The following TBCEL variants were observed in gnomAD, a reference collection of about 807,000 sequenced individuals.
TBCEL encodes tubulin folding cofactor E like.
TBCEL carries 15 observed loss-of-function variants against 44.2 expected under a neutral mutation model. The observed-to-expected ratio is 0.34, with a 90% CI of 0.23 to 0.52. The LOEUF (loss-of-function observed/expected upper bound fraction) is 0.52. Ranked by LOEUF, TBCEL falls within the 20% of genes least tolerant of loss-of-function variation. The pLI is 0.95. For synonymous variants in TBCEL, 171 were observed against 185.4 expected (o/e 0.92, Z 0.63); for missense variants, 319 against 506.3 (o/e 0.63, Z 3.55).
intron 2 of TBCEL, among the ~76,000 whole-genome samples, chr11:121,039,245 C>T (rs1945288866): frequency 6.6e-6 from 1 of 152,204 alleles, no homozygotes; most frequent in Non-Finnish European, 1.5e-5. Context: ...CTGTTGTTTC[C>T]TGTACCTGGA....
At chr11:121,058,676 C>G (rs1040200545) in intron 7 of TBCEL, among the ~76,000 whole-genome samples, 2 of 151,884 alleles carry the variant, frequency 1.3e-5, no homozygotes, top group African/African-American at 4.8e-5. Flanking sequence ...TGTAATTGGG[C>G]TGCTGACACC....
intron 8 of TBCEL, among the ~76,000 whole-genome samples, chr11:121,064,901 A>G (rs1342411045): frequency 5.9e-5 from 9 of 152,112 alleles, no homozygotes; most frequent in Non-Finnish European, 1.5e-5. Context: ...ATCTCGGCTC[A>G]TTGCAAGCTC....
intron 3 of TBCEL, 129 bp downstream of exon 3, chr11:121,045,952 A>G (rs1945422936): frequency 4.5e-6 from 5 of 1,105,036 alleles, no homozygotes; most frequent in Non-Finnish European, 6.0e-6. Context: ...CCCCCTTGTT[A>G]TGATTTCAGT....
intron 1 of TBCEL, among the ~76,000 whole-genome samples, chr11:121,028,012 C>T (rs1306691887): frequency 6.6e-6 from 1 of 151,992 alleles, no homozygotes; most frequent in Admixed American, 6.6e-5. Flanking sequence ...TCAAAGCCAA[C>T]CTGGGCAACG....
At chr11:121,041,093 T>C (rs555900102) in intron 2 of TBCEL, among the ~76,000 whole-genome samples, 1 of 152,350 alleles carries the variant, frequency 6.6e-6, no homozygotes, top group East Asian at 1.9e-4. Flanking sequence ...TGTTTCTTTG[T>C]GAAATAAGTA....
intron 2 of TBCEL, among the ~76,000 whole-genome samples, chr11:121,038,364 CAT>C (rs1945271878): frequency 6.6e-6 from 1 of 152,048 alleles, no homozygotes; most frequent in African/African-American, 2.4e-5. Context: ...AAATATGTAA[CAT>C]ATACATATGC....
chr11:121,087,035 C>T lies in TBCEL; in HGVS notation c.1214C>T (p.Ala405Val), dbSNP rs1946229234. Residue 405 changes from alanine (A) to valine (V), a missense_variant, in exon 9 of 9, where the codon GCA becomes GTA. Physicochemically the swap from Ala to Val is moderately conservative, Grantham distance 64 (BLOSUM62 0). Coordinates refer to ENST00000683345, the MANE Select transcript of TBCEL (RefSeq NM_001363644.2). ...GAGGAAATGAAGTACAGCTCTCGGGCATTGCATTCCTTTGGCATTAGGGAT... is the reference window on the plus strand; with the variant it reads ...GAGGAAATGAAGTACAGCTCTCGGGTATTGCATTCCTTTGGCATTAGGGAT... ...GPEEMKYSSR[A>V]LHSFGIRDGD... The T allele has an allele frequency of 6.2e-7, 1 of 1,614,082 alleles. No homozygotes were observed. Among genetic ancestry groups the T allele is most frequent in the Non-Finnish European group, 8.5e-7 (1 of 1,179,972 alleles).
chr11:121,056,543 TTTATAAGA>T (rs1216005927), intron 6 of TBCEL, among the ~76,000 whole-genome samples: 1 of 151,774 alleles, frequency 6.6e-6, no homozygotes, highest in Admixed American at 6.6e-5. Context: ...TATGATTAGT[TTTATAAGA>T]AACTGCCAAA....
chr11:121,057,507 GAT>G, intron 6 of TBCEL: 1 of 399,998 alleles, frequency 2.5e-6, no homozygotes, highest in Non-Finnish European at 4.9e-6. Flanking sequence ...TTAAATTTTA[GAT>G]CCATCTCTCC....
At chr11:121,028,155 A>AT (rs1945079289) in intron 1 of TBCEL, among the ~76,000 whole-genome samples, 1 of 152,132 alleles carries the variant, frequency 6.6e-6, no homozygotes, top group South Asian at 2.1e-4. Flanking sequence ...GTGAGCTATG[A>AT]TTACACCATT....
At chr11:121,068,207 A>T (rs1415183641) in intron 8 of TBCEL, among the ~76,000 whole-genome samples, 1 of 152,048 alleles carries the variant, frequency 6.6e-6, no homozygotes, top group Non-Finnish European at 1.5e-5. Flanking sequence ...AGTGTGTCCA[A>T]AACTCAACTT....
intron 6 of TBCEL, among the ~76,000 whole-genome samples, chr11:121,055,994 T>C (rs923369304): frequency 5.4e-5 from 8 of 147,820 alleles, no homozygotes; most frequent in African/African-American, 2.1e-4. Context: ...TTTATTGTTA[T>C]CACTCAAGTC....
chr11:121,049,898 G>A (rs533434628), intron 4 of TBCEL, among the ~76,000 whole-genome samples: 1 of 151,692 alleles, frequency 6.6e-6, no homozygotes, highest in Non-Finnish European at 1.5e-5. Context: ...AAGCCACATT[G>A]ACATATATCC....
intron 7 of TBCEL, 116 bp from the exon 8 acceptor site, chr11:121,059,853 A>T (rs967570520): frequency 4.2e-6 from 3 of 711,454 alleles, no homozygotes; most frequent in Non-Finnish European, 4.6e-6. Flanking sequence ...AAATGGAACT[A>T]CATCAAATGT....
At position 121,089,603 on chromosome 11, in the gene TBCEL, G is replaced by T. The variant is rs1282516561; in HGVS notation, c.*2507G>T. ...CTGCTTTTGAAATAAAATTGGTGCT[G>T]TGTAGACACTTGTAACCAAAATTAT... On this transcript the variant is annotated 3_prime_UTR_variant, in exon 9 of 9. Coordinates refer to ENST00000683345, the MANE Select transcript of TBCEL (RefSeq NM_001363644.2). 4 of 152,194 alleles carry T rather than the reference G, an allele frequency of 2.6e-5. No homozygotes were observed. The highest frequency in any genetic ancestry group is 2.6e-4 in the Admixed American group (4 of 15,270). The allele number at this position is 152,194 out of a possible 1,614,324, so 9.4% of individuals were successfully genotyped here.
In TBCEL at chr11:121,086,981, A is replaced by C; in HGVS notation, c.1160A>C (p.Tyr387Ser). 1 of 1,614,084 alleles carries C rather than the reference A, an allele frequency of 6.2e-7. No homozygotes were observed. Among genetic ancestry groups the C allele is most frequent in the Non-Finnish European group, 8.5e-7 (1 of 1,179,996 alleles). The change falls in exon 9 of 9, where the codon TAT (tyrosine) becomes TCT (serine). Residue 387 changes from tyrosine (Y) to serine (S), a missense_variant. Physicochemically the swap from Tyr to Ser is moderately radical, Grantham distance 144 (BLOSUM62 -2). Coordinates refer to ENST00000683345, the MANE Select transcript of TBCEL (RefSeq NM_001363644.2). ...QLPTSNMLLYYFDHEAPFGPE... is the reference protein window; with the variant it reads ...QLPTSNMLLYSFDHEAPFGPE... ...CCCACAAGCAACATGCTTCTCTACT[A>C]TTTTGACCATGAAGCACCCTTTGGC...
intron 1 of TBCEL, among the ~76,000 whole-genome samples, chr11:121,030,804 G>T (rs1241317923): frequency 6.6e-6 from 1 of 151,270 alleles, no homozygotes; most frequent in African/African-American, 2.4e-5. Flanking sequence ...AACCTTAAAT[G>T]ATAAGATGGC....
intron 7 of TBCEL, among the ~76,000 whole-genome samples, chr11:121,059,034 T>C (rs565402974): frequency 3.4e-4 from 51 of 152,106 alleles, no homozygotes; most frequent in African/African-American, 1.2e-3. Flanking sequence ...TATGAACCTT[T>C]AGCAGAAATA....
chr11:121,049,951 G>A (rs1195225097), intron 4 of TBCEL, among the ~76,000 whole-genome samples: 2 of 151,792 alleles, frequency 1.3e-5, no homozygotes, highest in Middle Eastern at 6.8e-3. Flanking sequence ...TACTCAGTTT[G>A]TGTATTCCTA....
Sources: gnomAD v4.1 joint callset for allele counts (sites outside exome capture counted in the v4.1 genomes callset) on GRCh38, gnomAD v4.1.1 for gene constraint, MANE v1.5 for transcripts, NCBI Gene and HGNC (gene_info 2026-07-23, HGNC 2026-07-21) for gene names.